The following CCDC66 variants were observed in gnomAD, a reference collection of about 807,000 sequenced individuals.
CCDC66 encodes the protein coiled-coil domain-containing protein 66.
In CCDC66, 133 loss-of-function variants were observed where a neutral mutation model predicts 128.3. The observed-to-expected ratio is 1.04, with a 90% CI of 0.90 to 1.20. The LOEUF (loss-of-function observed/expected upper bound fraction) is 1.20. CCDC66 is among the 50% of genes most tolerant of loss of function. The probability of loss-of-function intolerance (pLI) is 0.00; values close to 1 mark genes in which losing one functional copy is unlikely to be tolerated. For synonymous variants in CCDC66, 387 were observed against 357.0 expected (o/e 1.08, Z -0.95); for missense variants, 1,126 against 1,075.5 (o/e 1.05, Z -0.66).
rs879479480 is a variant in CCDC66 at position 56,561,424 on chromosome 3, A to C, written c.102+1830A>C. 4 of 348,096 alleles carry C rather than the reference A, an allele frequency of 1.1e-5. No individual in the cohort carries two copies. The Admixed American group carries it at 1.6e-4, about 14-fold the overall frequency. The allele number at this position is 348,096 out of a possible 1,614,324, so 21.6% of individuals were successfully genotyped here. On this transcript the variant is annotated intron_variant, in intron 3 of 17. Coordinates refer to ENST00000394672, the MANE Select transcript of CCDC66 (RefSeq NM_001141947.3). Reference sequence around the variant, plus strand: ...CTAGTCTTGGACTTTTGATTACTAGACTTTTAATCATAAAATTCTATCAGC... The same window carrying C: ...CTAGTCTTGGACTTTTGATTACTAGCCTTTTAATCATAAAATTCTATCAGC...
At chr3:56,598,482 T>A (rs1446302666) in intron 10 of CCDC66, among the ~76,000 whole-genome samples, 2 of 151,972 alleles carry the variant, frequency 1.3e-5, no homozygotes, top group African/African-American at 4.8e-5. Flanking sequence ...TGGGCATCCT[T>A]GTTTTGTTTT....
rs757212822 is a variant in CCDC66, at chr3:56,619,358, TGAGA to T, written c.2473_2476del (p.Glu825IlefsTer2). On this transcript the variant is annotated frameshift_variant, in exon 16 of 18. Transcript: ENST00000394672. LOFTEE classifies it high-confidence loss of function. ...ATTTACCACTAAAAAACAGTAGCTA[TGAGA>T]GAGAGAATTTGATCTCAGGAAGTAA... The T allele has an allele frequency of 5.4e-5, 87 of 1,613,490 alleles. No individual in the cohort carries two copies. The highest frequency in any genetic ancestry group is 7.2e-5 in the Non-Finnish European group (85 of 1,179,644).
Position 56,563,406 on chromosome 3 carries a change from A to G in CCDC66, c.103-278A>G, listed in dbSNP as rs531472226. 1.8e-4 allele frequency: 48 copies of G among 268,696 alleles called. No homozygotes were observed. The East Asian group carries it at 2.6e-3, about 14-fold the overall frequency. The allele number at this position is 268,696 out of a possible 1,614,324, so 16.6% of individuals were successfully genotyped here. ...ATTTTTTTAATTGAAAAAAAAAAAA[A>G]AGAGATAATGTAGGTGGTATAATCT... is the stretch of plus-strand genomic sequence containing the variant. On this transcript the variant is annotated intron_variant, in intron 3 of 17. Coordinates refer to ENST00000394672, the MANE Select transcript of CCDC66 (RefSeq NM_001141947.3).
At chr3:56,584,445 T>G (rs1397285692) in intron 7 of CCDC66, among the ~76,000 whole-genome samples, 2 of 149,680 alleles carry the variant, frequency 1.3e-5, no homozygotes, top group African/African-American at 4.9e-5. Flanking sequence ...GCTCCTCACC[T>G]CCCAGACGGG....
intron 7 of CCDC66, among the ~76,000 whole-genome samples, chr3:56,575,096 T>C (rs1395592324): frequency 6.6e-6 from 1 of 151,914 alleles, no homozygotes; most frequent in African/African-American, 2.4e-5. Flanking sequence ...ATTTTTTGTT[T>C]AATTTTTATG....
At chr3:56,573,566 A>G (rs1345448041) in intron 7 of CCDC66, among the ~76,000 whole-genome samples, 1 of 152,252 alleles carries the variant, frequency 6.6e-6, no homozygotes, top group Non-Finnish European at 1.5e-5. Context: ...CCCATGTACA[A>G]AAAATGTCAG....
chr3:56,596,532 A>C (rs1460155391), intron 10 of CCDC66, among the ~76,000 whole-genome samples: 1 of 151,972 alleles, frequency 6.6e-6, no homozygotes, highest in Non-Finnish European at 1.5e-5. Flanking sequence ...AAACTACTGA[A>C]TATTCAAACT....
At chr3:56,610,860 T>C (rs2074697569) in intron 10 of CCDC66, among the ~76,000 whole-genome samples, 1 of 152,224 alleles carries the variant, frequency 6.6e-6, no homozygotes, top group Non-Finnish European at 1.5e-5. Flanking sequence ...AGCCACCCAG[T>C]GAGTCTACTT....
Position 56,593,022 on chromosome 3 carries a change from G to C in CCDC66, c.989G>C (p.Arg330Thr). ...AGTGCTGTGAAACAAGAACTGCAAAGAAAATGGATTGAAGAGTTGAATAAG... is the reference window on the plus strand; with the variant it reads ...AGTGCTGTGAAACAAGAACTGCAAACAAAATGGATTGAAGAGTTGAATAAG... Reference protein sequence around the residue: ...PFSAVKQELQRKWIEELNKQI... With the variant: ...PFSAVKQELQTKWIEELNKQI... Residue 330 changes from arginine (R) to threonine (T), a missense_variant, in exon 8 of 18, where the codon AGA becomes ACA. Coordinates refer to ENST00000394672, the MANE Select transcript of CCDC66 (RefSeq NM_001141947.3). 6.2e-7 allele frequency: 1 copy of C among 1,610,752 alleles called. No homozygotes were observed. Among genetic ancestry groups the C allele is most frequent in the Non-Finnish European group, 8.5e-7 (1 of 1,178,674 alleles).
At chr3:56,566,560 G>A (rs868747716) in intron 4 of CCDC66, 34 bp from the exon 5 acceptor site, 1 of 1,330,474 alleles carries the variant, frequency 7.5e-7, no homozygotes. Context: ...ATGTAATTTA[G>A]TGTTAATTTT....
At position 56,619,254 on chromosome 3, in the gene CCDC66, A is replaced by AT. The variant is rs74505834; in HGVS notation, c.2379-7dup. ...TAATCTAAATACACAATTTTTTACT[A>AT]TTTTTTTTTTAAATAGGTCTCCATC... On this transcript the variant is annotated splice_polypyrimidine_tract_variant and intron_variant, in intron 15 of 17. Transcript: ENST00000394672. The AT allele has an allele frequency of 2.0e-3, 2,856 of 1,419,364 alleles. 1 individual carries two copies. Among genetic ancestry groups the AT allele is most frequent in the Admixed American group, 3.6e-3 (162 of 44,498 alleles). The allele number at this position is 1,419,364 out of a possible 1,614,324, so 87.9% of individuals were successfully genotyped here.
intron 4 of CCDC66, among the ~76,000 whole-genome samples, chr3:56,565,811 C>T (rs910254641): frequency 5.3e-5 from 8 of 151,020 alleles, no homozygotes; most frequent in Non-Finnish European, 8.8e-5. Context: ...GGACTACAGG[C>T]GCCCGCCACC....
chr3:56,603,156 G>A (rs762232118), intron 10 of CCDC66, among the ~76,000 whole-genome samples: 24 of 151,906 alleles, frequency 1.6e-4, no homozygotes, highest in East Asian at 9.7e-4. Flanking sequence ...TTTTTATTGC[G>A]TCTGTTTGAT....
At chr3:56,619,014 T>G in intron 15 of CCDC66, 12 of 316,844 alleles carry the variant, frequency 3.8e-5, no homozygotes, top group East Asian at 1.4e-4. Context: ...AGGTCAGGAG[T>G]TCAAGACCAG....
chr3:56,598,462 A>G (rs557491484), intron 10 of CCDC66, among the ~76,000 whole-genome samples: 2 of 151,924 alleles, frequency 1.3e-5, no homozygotes, highest in African/African-American at 4.8e-5. Flanking sequence ...TTGAATAAGA[A>G]TGGTGAAAGT....
At chr3:56,597,792 T>TTTTTTTTTTTTTTTTTTTG (rs2072348913) in intron 10 of CCDC66, among the ~76,000 whole-genome samples, 1 of 143,256 alleles carries the variant, frequency 7.0e-6, no homozygotes, top group African/African-American at 2.6e-5. Context: ...TTTTTTTTTT[T>TTTTTTTTTTTTTTTTTTTG]GAGACAGAGC....
intron 11 of CCDC66, 131 bp downstream of exon 11, chr3:56,613,881 G>C: frequency 1.4e-6 from 1 of 708,032 alleles, no homozygotes; most frequent in South Asian, 1.9e-5. Context: ...CTGGGCACAA[G>C]TTGTCCTTCC....
At position 56,593,480 on chromosome 3, in the gene CCDC66, G is replaced by A; in HGVS notation, c.1069-11G>A. 3 of 1,606,756 alleles carry A rather than the reference G, an allele frequency of 1.9e-6. No individual in the cohort carries two copies. Among genetic ancestry groups the A allele is most frequent in the South Asian group, 2.2e-5 (2 of 90,458 alleles). On this transcript the variant is annotated splice_polypyrimidine_tract_variant and intron_variant, in intron 8 of 17. Coordinates refer to ENST00000394672, the MANE Select transcript of CCDC66 (RefSeq NM_001141947.3). ...GAAAAATTCTTAGCAATTCTTATTT[G>A]TCATCATTAGGGTGAGGAACATGAC... is the stretch of plus-strand genomic sequence containing the variant.
intron 6 of CCDC66, chr3:56,569,410 C>A: frequency 3.9e-6 from 1 of 258,746 alleles, no homozygotes; most frequent in South Asian, 3.9e-5. Flanking sequence ...GGGGAGCAGG[C>A]ATTTTACATG....
Sources: gnomAD v4.1 joint callset for allele counts (sites outside exome capture counted in the v4.1 genomes callset) on GRCh38, gnomAD v4.1.1 for gene constraint, MANE v1.5 for transcripts, NCBI Gene and HGNC (gene_info 2026-07-23, HGNC 2026-07-21) for gene names.